The following MED12L variants were observed in gnomAD, a reference collection of about 807,000 sequenced individuals.
MED12L encodes the protein mediator of RNA polymerase II transcription subunit 12-like protein.
A neutral mutation model predicts 281.3 loss-of-function variants in MED12L; 60 were observed. The observed-to-expected ratio is 0.21, with a 90% CI of 0.17 to 0.26. The LOEUF is 0.26. Ranked by LOEUF, MED12L falls within the 10% of genes least tolerant of loss-of-function variation. The pLI is 1.00. For synonymous variants in MED12L, 974 were observed against 987.2 expected, an observed-to-expected ratio of 0.99 and a Z score of 0.25; for missense variants, 2,146 against 2,680.9, an observed-to-expected ratio of 0.80 and a Z score of 4.41.
chr3:151,216,137 G>A lies in MED12L; in HGVS notation c.2250+22471G>A, dbSNP rs150583291. Reference sequence around the variant, plus strand: ...AGCTCCTTCAGAGGAGAAAGATCATGTCATTTTTTTACTCTTGAATTCTTT... The same window carrying A: ...AGCTCCTTCAGAGGAGAAAGATCATATCATTTTTTTACTCTTGAATTCTTT... On this transcript the variant is annotated intron_variant, in intron 16 of 44. Transcript: ENST00000687756. Among the ~76,000 whole-genome samples, 261 of 152,252 alleles carry A rather than the reference G, an allele frequency of 1.7e-3. 1 individual carries two copies. Among genetic ancestry groups the A allele is most frequent in the African/African-American group, 5.7e-3 (238 of 41,534 alleles).
intron 16 of MED12L, among the ~76,000 whole-genome samples, chr3:151,320,889 A>G (rs934014139): frequency 1.1e-4 from 16 of 152,334 alleles, no homozygotes; most frequent in African/African-American, 3.1e-4. Flanking sequence ...TACTTTGGGC[A>G]AAGCATATCT....
intron 16 of MED12L, among the ~76,000 whole-genome samples, chr3:151,308,834 T>C (rs956198213): frequency 6.6e-6 from 1 of 152,210 alleles, no homozygotes; most frequent in Non-Finnish European, 1.5e-5. Flanking sequence ...GCTACCCTTA[T>C]TCTTGTAATC....
chr3:151,319,109 A>G (rs1748668075), intron 16 of MED12L, among the ~76,000 whole-genome samples: 1 of 152,194 alleles, frequency 6.6e-6, no homozygotes, highest in Non-Finnish European at 1.5e-5. Flanking sequence ...ATATTATGCC[A>G]GTCTCAAGTT....
chr3:151,192,698 C>T lies in MED12L; in HGVS notation c.2073+44C>T, dbSNP rs56956775. ...TCTTATTGACAATTAAGAATTAACC[C>T]GTTCCCATCCCAGCCTGTCTCGATC... On this transcript the variant is annotated intron_variant, in intron 15 of 44. Coordinates refer to ENST00000687756, the MANE Select transcript of MED12L (RefSeq NM_001393769.1). The T allele has an allele frequency of 1.3e-3, 1,598 of 1,187,806 alleles. 21 individuals are homozygous for T. In the African/African-American group the frequency reaches 0.021, roughly 16 times the overall value. The allele number at this position is 1,187,806 out of a possible 1,614,324, so 73.6% of individuals were successfully genotyped here.
At chr3:151,323,360 G>T (rs1054165183) in intron 16 of MED12L, among the ~76,000 whole-genome samples, 1 of 152,156 alleles carries the variant, frequency 6.6e-6, no homozygotes, top group African/African-American at 2.4e-5. Context: ...AGAACATGTG[G>T]TTCTTCACCT....
intron 16 of MED12L, among the ~76,000 whole-genome samples, chr3:151,342,519 C>A (rs1387940949): frequency 1.3e-5 from 2 of 152,212 alleles, no homozygotes; most frequent in Admixed American, 1.3e-4. Context: ...GAATAAAAAA[C>A]TCTGGGGTGC....
chr3:151,258,124 A>C (rs1738167621), intron 16 of MED12L, among the ~76,000 whole-genome samples: 1 of 152,142 alleles, frequency 6.6e-6, no homozygotes, highest in South Asian at 2.1e-4. Flanking sequence ...TTTACAGGCA[A>C]ACTCCTGGGA....
chr3:151,392,467 G>GAAAAAA (rs200781609), intron 38 of MED12L, among the ~76,000 whole-genome samples: 2 of 95,852 alleles, frequency 2.1e-5, no homozygotes, highest in African/African-American at 4.8e-5. Flanking sequence ...TCCATCTCAA[G>GAAAAAA]AAAAAAAAAA....
intron 16 of MED12L, among the ~76,000 whole-genome samples, chr3:151,252,623 G>A (rs1203304803): frequency 6.6e-6 from 1 of 152,050 alleles, no homozygotes; most frequent in Non-Finnish European, 1.5e-5. Context: ...TTCTAAACAT[G>A]TTCATAAAGG....
intron 16 of MED12L, among the ~76,000 whole-genome samples, chr3:151,314,603 C>G (rs1577311457): frequency 1.3e-5 from 2 of 152,186 alleles, no homozygotes; most frequent in East Asian, 3.9e-4. Flanking sequence ...GAGGAAGAAT[C>G]TGAGACCTAG....
chr3:151,429,864 G>T (rs757131820), intron 43 of MED12L, among the ~76,000 whole-genome samples: 1 of 152,158 alleles, frequency 6.6e-6, no homozygotes, highest in Non-Finnish European at 1.5e-5. Flanking sequence ...GCACCACCCT[G>T]CCTCACCAGA....
intron 16 of MED12L, chr3:151,327,913 T>G: frequency 1.9e-6 from 2 of 1,051,426 alleles, no homozygotes; most frequent in South Asian, 1.8e-5. Context: ...TCCAATCTTT[T>G]TTTCTTGGTT....
intron 2 of MED12L, among the ~76,000 whole-genome samples, chr3:151,111,970 A>G (rs1315471818): frequency 1.3e-5 from 2 of 152,062 alleles, no homozygotes; most frequent in African/African-American, 4.8e-5. Flanking sequence ...GAAACCTTCA[A>G]CTGTTTTTTT....
intron 2 of MED12L, among the ~76,000 whole-genome samples, chr3:151,109,840 T>C (rs1020921739): frequency 6.6e-6 from 1 of 152,234 alleles, no homozygotes; most frequent in East Asian, 1.9e-4. Flanking sequence ...GTGCAGCCTT[T>C]AGTAAGAGTC....
In MED12L at chr3:151,192,627, T is replaced by C. The variant is rs1005340327; in HGVS notation, c.2046T>C (p.Phe682=). The C allele has an allele frequency of 2.0e-6, 3 of 1,536,080 alleles. No homozygotes were observed. In the African/African-American group the frequency reaches 4.1e-5, roughly 21 times the overall value. The change falls in exon 15 of 45, where the codon TTT becomes TTC. Residue 682 remains phenylalanine (F), a synonymous_variant. Coordinates refer to ENST00000687756, the MANE Select transcript of MED12L (RefSeq NM_001393769.1). ...NIFDEVDKSD[F]KTDFGSEFPI... is the part of the protein sequence containing the mutation. ...TTGATGAAGTAGACAAGAGTGACTT[T>C]AAAACTGACTTTGGTTCGGAATTTC...
chr3:151,350,523 A>C (rs892293546), intron 17 of MED12L, among the ~76,000 whole-genome samples: 10 of 152,164 alleles, frequency 6.6e-5, no homozygotes, highest in Admixed American at 6.5e-5. Flanking sequence ...GTAATAAATG[A>C]AGTACTGAAG....
intron 11 of MED12L, 113 bp from the exon 12 acceptor site, chr3:151,185,217 T>C: frequency 9.7e-7 from 1 of 1,026,644 alleles, no homozygotes; most frequent in Non-Finnish European, 1.4e-6. Context: ...GCTACTATAA[T>C]AAAACATGGA....
chr3:151,297,070 C>T (rs1211162353), intron 16 of MED12L, among the ~76,000 whole-genome samples: 2 of 152,148 alleles, frequency 1.3e-5, no homozygotes, highest in African/African-American at 4.8e-5. Context: ...AAACTGGTTT[C>T]CCTGACCTAA....
chr3:151,346,280 C>G (rs1752526523), intron 16 of MED12L, among the ~76,000 whole-genome samples: 1 of 152,130 alleles, frequency 6.6e-6, no homozygotes, highest in Non-Finnish European at 1.5e-5. Context: ...CATCAGTTAT[C>G]TGTTCCCCAA....
Sources: allele counts gnomAD v4.1 joint callset (sites outside exome capture counted in the v4.1 genomes callset), GRCh38; gene constraint gnomAD v4.1.1; transcripts MANE v1.5; gene names NCBI Gene and HGNC (gene_info 2026-07-23, HGNC 2026-07-21).